The following KIF13A variants were observed in gnomAD, a reference collection of about 807,000 sequenced individuals.
The protein encoded by KIF13A is kinesin-like protein KIF13A.
KIF13A carries 79 observed loss-of-function variants against 212.2 expected under a neutral mutation model. That is an observed-to-expected ratio of 0.37 (90% CI 0.31 to 0.45). The LOEUF (loss-of-function observed/expected upper bound fraction) is 0.45, where lower values mean the gene tolerates loss of function less well. Among genes scored for constraint, KIF13A ranks in the 20% least tolerant of loss-of-function variants. The pLI, the probability that KIF13A is intolerant of heterozygous loss-of-function variation, is 1.00. For synonymous variants in KIF13A, 789 were observed against 808.6 expected (o/e 0.98, Z 0.41); for missense variants, 1,901 against 2,209.0 (o/e 0.86, Z 2.79).
Position 17,794,150 on chromosome 6 carries a change from G to T in KIF13A, c.3222+99C>A. The stretch of plus-strand genomic sequence containing the variant: ...AAATGTGAACTGGGGGAAGATCTAC[G>T]GTTAAGGCAAAGAGTTCTGTTATAT... On this transcript the variant is annotated intron_variant, in intron 25 of 38. Coordinates refer to ENST00000259711, the MANE Select transcript of KIF13A (RefSeq NM_022113.6). This position sits in a 1 kb window ranked among gnomAD's most constrained non-coding sequence, Gnocchi z 4.1. The T allele has an allele frequency of 1.1e-6, 1 of 894,702 alleles. No individual in the cohort carries two copies. The highest frequency in any genetic ancestry group is 1.7e-6 in the Non-Finnish European group (1 of 586,018). The allele number at this position is 894,702 out of a possible 1,614,324, so 55.4% of individuals were successfully genotyped here.
At chr6:17,801,923 T>C (rs1487321180) in intron 20 of KIF13A, among the ~76,000 whole-genome samples, 1 of 152,240 alleles carries the variant, frequency 6.6e-6, no homozygotes, top group East Asian at 1.9e-4. Flanking sequence ...GGAGCCAGTT[T>C]AACCGTGTTT....
In KIF13A at chr6:17,809,430, C is replaced by A. The variant is rs112933961; in HGVS notation, c.2001-500G>T. ...TCAACTCTCTGTACAACATTACTTG[C>A]TGATAAAAAGCTTCTCTAATATCCC... On this transcript the variant is annotated intron_variant, in intron 17 of 38. Coordinates refer to ENST00000259711, the MANE Select transcript of KIF13A (RefSeq NM_022113.6). This position sits in a 1 kb window ranked among gnomAD's most constrained non-coding sequence, Gnocchi z 4.7. Among the ~76,000 whole-genome samples, 897 of 152,332 alleles carry A rather than the reference C, an allele frequency of 5.9e-3. 9 individuals are homozygous for A. The highest frequency in any genetic ancestry group is 9.4e-3 in the Non-Finnish European group (637 of 68,036).
chr6:17,790,420 A>T (rs1194764295), intron 25 of KIF13A, among the ~76,000 whole-genome samples: 1 of 152,170 alleles, frequency 6.6e-6, no homozygotes, highest in Non-Finnish European at 1.5e-5. Flanking sequence ...ACATAAAATA[A>T]AAATAAGAAA....
At position 17,816,150 on chromosome 6, in the gene KIF13A, C is replaced by G. The variant is rs917332171; in HGVS notation, c.2000+870G>C. Among the ~76,000 whole-genome samples, 1 of 151,858 alleles carries G rather than the reference C, an allele frequency of 6.6e-6. No homozygotes were observed. Among genetic ancestry groups the G allele is most frequent in the Non-Finnish European group, 1.5e-5 (1 of 67,992 alleles). ...GCCAGGCTGGTCTGGAACTCCTGAC[C>G]TCAGGCGATCCGCTGCCTTGGCCTC... On this transcript the variant is annotated intron_variant, in intron 17 of 38. Transcript: ENST00000259711. This position sits in a 1 kb window ranked among gnomAD's most constrained non-coding sequence, Gnocchi z 4.3.
At chr6:17,923,200 A>C in intron 2 of KIF13A, among the ~76,000 whole-genome samples, 1 of 151,934 alleles carries the variant, frequency 6.6e-6, no homozygotes. Flanking sequence ...CTTGAGCCAC[A>C]GAAGTGGAGA....
intron 3 of KIF13A, among the ~76,000 whole-genome samples, chr6:17,889,592 T>C (rs1004290511): frequency 2.0e-5 from 3 of 152,224 alleles, no homozygotes; most frequent in African/African-American, 4.8e-5. Context: ...CCTTATATCT[T>C]GGCACATAAA....
Position 17,771,159 on chromosome 6 carries a change from GCCATTGCTT to G in KIF13A, c.4527_4535del (p.Asn1511_Ser1513del). On this transcript the variant is annotated inframe_deletion, in exon 38 of 39. Transcript: ENST00000259711. The surrounding 1 kb of genome is among the most constrained non-coding windows in gnomAD (Gnocchi z 5.4). ...TATTGTGTTCTACTGGCATGCTGCT[GCCATTGCTT>G]CCTGAGGGTACAATGCAGCCAGGGT... 6 of 1,613,302 alleles carry G rather than the reference GCCATTGCTT, an allele frequency of 3.7e-6. No homozygotes were observed. The highest frequency in any genetic ancestry group is 4.2e-6 in the Non-Finnish European group (5 of 1,179,610).
intron 2 of KIF13A, among the ~76,000 whole-genome samples, chr6:17,981,215 T>C (rs1378568370): frequency 6.6e-6 from 1 of 151,960 alleles, no homozygotes; most frequent in African/African-American, 2.4e-5. Flanking sequence ...ATAGCCATTA[T>C]TTTTTTAATG....
chr6:17,789,442 C>T lies in KIF13A; in HGVS notation c.3261+430G>A, dbSNP rs1054204260. Among the ~76,000 whole-genome samples the T allele has an allele frequency of 5.9e-5, 9 of 152,100 alleles. No individual in the cohort carries two copies. The highest frequency in any genetic ancestry group is 2.2e-4 in the African/African-American group (9 of 41,422). On this transcript the variant is annotated intron_variant, in intron 26 of 38. Transcript: ENST00000259711. This position sits in a 1 kb window ranked among gnomAD's most constrained non-coding sequence, Gnocchi z 4.8. ...TCTTGGATGTAAGGAGCAGAATGCACTTTAGCATGGGAAAGATAAGAGTCT... is the reference window on the plus strand; with the variant it reads ...TCTTGGATGTAAGGAGCAGAATGCATTTTAGCATGGGAAAGATAAGAGTCT...
chr6:17,942,758 C>T (rs1345178449), intron 2 of KIF13A, among the ~76,000 whole-genome samples: 2 of 151,998 alleles, frequency 1.3e-5, no homozygotes, highest in African/African-American at 4.8e-5. Flanking sequence ...CAGGTAGATA[C>T]CCTGAGGTCA....
At position 17,898,561 on chromosome 6, in the gene KIF13A, T is replaced by A. The variant is rs1772782486; in HGVS notation, c.147-381A>T. Among the ~76,000 whole-genome samples, 1 of 152,222 alleles carries A rather than the reference T, an allele frequency of 6.6e-6. No individual in the cohort carries two copies. The highest frequency in any genetic ancestry group is 2.4e-5 in the African/African-American group (1 of 41,468). The stretch of plus-strand genomic sequence containing the variant: ...ATATTTTTAAATCAATTTTTATATT[T>A]AAATTTTTCTTAAATTTTTGTTAAA... On this transcript the variant is annotated intron_variant, in intron 2 of 38. Transcript: ENST00000259711. This position sits in a 1 kb window ranked among gnomAD's most constrained non-coding sequence, Gnocchi z 5.2.
In KIF13A at chr6:17,872,644, AT is replaced by A. The variant is rs534134946; in HGVS notation, c.220+732del. On this transcript the variant is annotated intron_variant, in intron 4 of 38. Transcript: ENST00000259711. The surrounding 1 kb of genome is among the most constrained non-coding windows in gnomAD (Gnocchi z 4.7). Reference sequence around the variant, plus strand: ...CTTTCATTTGCCAGTTAGAAAAATAATTTTTTTTTATTTTTTTGAGACAGAG... The same window carrying A: ...CTTTCATTTGCCAGTTAGAAAAATAATTTTTTTTATTTTTTTGAGACAGAG... Among the ~76,000 whole-genome samples the A allele has an allele frequency of 6.6e-6, 1 of 151,762 alleles. No homozygotes were observed. Among genetic ancestry groups the A allele is most frequent in the Non-Finnish European group, 1.5e-5 (1 of 67,964 alleles).
chr6:17,799,363 T>C lies in KIF13A; in HGVS notation c.2693A>G (p.Gln898Arg), dbSNP rs756826675. ...FVFCQYTFWD[Q>R]CESTVAAPVV... ...CGGGGCAGCCACCGTAGACTCACAC[T>C]GGTCCCAGAATGTGTATTGACAGAA... Residue 898 changes from glutamine to arginine, a missense_variant, in exon 22 of 39, where the codon CAG becomes CGG. This residue lies in a region of KIF13A where 534 missense variants were observed against 536.9 expected (regional missense o/e 0.99). Transcript: ENST00000259711. This position sits in a 1 kb window ranked among gnomAD's most constrained non-coding sequence, Gnocchi z 4.4. The C allele has an allele frequency of 1.9e-6, 3 of 1,612,540 alleles. No individual in the cohort carries two copies. The Admixed American group carries it at 5.0e-5, about 27-fold the overall frequency.
Position 17,951,392 on chromosome 6 carries a change from A to G in KIF13A, c.146+35662T>C. 1.6e-6 allele frequency: 1 copy of G among 627,114 alleles called. No homozygotes were observed. The highest frequency in any genetic ancestry group is 1.9e-5 in the African/African-American group (1 of 53,668). The allele number at this position is 627,114 out of a possible 1,614,324, so 38.8% of individuals were successfully genotyped here. On this transcript the variant is annotated intron_variant, in intron 2 of 38. Coordinates refer to ENST00000259711, the MANE Select transcript of KIF13A (RefSeq NM_022113.6). The surrounding 1 kb of genome is among the most constrained non-coding windows in gnomAD (Gnocchi z 4.9). Reference sequence around the variant, plus strand: ...GTGATCCTCTTGCCTTGGCCTCCCAAAGTGCTGGAATTAGAGATGTGAGCC... The same window carrying G: ...GTGATCCTCTTGCCTTGGCCTCCCAGAGTGCTGGAATTAGAGATGTGAGCC...
At chr6:17,827,034 C>T (rs1340122431) in intron 14 of KIF13A, among the ~76,000 whole-genome samples, 23 of 151,246 alleles carry the variant, frequency 1.5e-4, no homozygotes, top group Non-Finnish European at 3.1e-4. Context: ...TGTACTCCAG[C>T]CCGGGCAACA....
At chr6:17,959,083 G>C (rs571451388) in intron 2 of KIF13A, among the ~76,000 whole-genome samples, 10 of 151,340 alleles carry the variant, frequency 6.6e-5, no homozygotes, top group Admixed American at 1.3e-4. Flanking sequence ...TGTAGAGATG[G>C]GGTCTCACTA....
At chr6:17,866,821 A>T (rs1284130291) in intron 4 of KIF13A, among the ~76,000 whole-genome samples, 2 of 131,442 alleles carry the variant, frequency 1.5e-5, no homozygotes, top group Non-Finnish European at 3.2e-5. Flanking sequence ...AGAACAAAAA[A>T]GCAGCGCATA....
rs1772954357 is a variant in KIF13A, at chr6:17,900,496, G to C, written c.147-2316C>G. On this transcript the variant is annotated intron_variant, in intron 2 of 38. Coordinates refer to ENST00000259711, the MANE Select transcript of KIF13A (RefSeq NM_022113.6). This position sits in a 1 kb window ranked among gnomAD's most constrained non-coding sequence, Gnocchi z 4.6. ...TTCTGCTACCTTCTTTTGTGTTTCT[G>C]AATAAATGCTTGTTAAGAACAAATT... Among the ~76,000 whole-genome samples, 2 of 152,140 alleles carry C rather than the reference G, an allele frequency of 1.3e-5. No homozygotes were observed. The highest frequency in any genetic ancestry group is 4.1e-4 in the South Asian group (2 of 4,832).
chr6:17,913,381 C>T (rs905707188), intron 2 of KIF13A, among the ~76,000 whole-genome samples: 6 of 152,176 alleles, frequency 3.9e-5, no homozygotes, highest in African/African-American at 1.4e-4. Flanking sequence ...AATGAATCAA[C>T]TTCTTATGCT....
Sources: gnomAD v4.1 joint callset for allele counts (sites outside exome capture counted in the v4.1 genomes callset) on GRCh38, gnomAD v4.1.1 for gene constraint, gnomAD v4.1.1 regional missense constraint, Gnocchi (gnomAD v3.1) non-coding constraint, MANE v1.5 for transcripts, NCBI Gene and HGNC (gene_info 2026-07-23, HGNC 2026-07-21) for gene names.